Variants in LINGO2 observed in about 807,000 individuals in gnomAD.
LINGO2 encodes the protein leucine-rich repeat and immunoglobulin-like domain-containing nogo receptor-interacting protein 2.
Under a neutral mutation model 30.6 loss-of-function variants are expected in LINGO2, and 14 were observed. That is an observed-to-expected ratio of 0.46 (90% CI 0.30 to 0.72). LINGO2 has a LOEUF of 0.72. Ranked by LOEUF, LINGO2 falls within the 30% of genes least tolerant of loss-of-function variation. The pLI is 0.07. For synonymous variants in LINGO2, 317 were observed against 288.5 expected (o/e 1.10, Z -1.00); for missense variants, 729 against 751.7 (o/e 0.97, Z 0.35).
At chr9:29,092,854 T>C in the LINGO2 span, among the ~76,000 whole-genome samples, 8 of 136,786 alleles carry the variant, frequency 5.8e-5, 2 homozygotes, top group African/African-American at 2.2e-4. Flanking sequence ...ATGAACATAA[T>C]TCAGTCTTTA....
the LINGO2 span, among the ~76,000 whole-genome samples, chr9:28,872,330 A>C: frequency 6.6e-6 from 1 of 151,992 alleles, no homozygotes; most frequent in African/African-American, 2.4e-5. Context: ...TTTTGACATC[A>C]AACTATTGTA....
At chr9:28,070,058 T>C (rs1048129809) in intron 4 of LINGO2, among the ~76,000 whole-genome samples, 11 of 152,162 alleles carry the variant, frequency 7.2e-5, no homozygotes, top group East Asian at 1.9e-4. Context: ...CTCTCTTTAA[T>C]GTCACACAGC....
chr9:29,175,519 G>A, the LINGO2 span, among the ~76,000 whole-genome samples: 2 of 135,316 alleles, frequency 1.5e-5, no homozygotes, highest in South Asian at 2.4e-4. Context: ...TCGTATCTCC[G>A]AGATTTTTTT....
chr9:29,044,711 T>A, the LINGO2 span, among the ~76,000 whole-genome samples: 2 of 151,974 alleles, frequency 1.3e-5, no homozygotes, highest in Non-Finnish European at 1.5e-5. Context: ...GTAGAGTGAT[T>A]AAATAAAATA....
chr9:28,338,121 C>A (rs961371176), intron 3 of LINGO2, among the ~76,000 whole-genome samples: 4 of 152,188 alleles, frequency 2.6e-5, no homozygotes, highest in Non-Finnish European at 5.9e-5. Flanking sequence ...AGGAACAGAG[C>A]TGCCCAAGGC....
chr9:28,905,550 T>C, the LINGO2 span, among the ~76,000 whole-genome samples: 1 of 152,082 alleles, frequency 6.6e-6, no homozygotes, highest in African/African-American at 2.4e-5. Flanking sequence ...AGCTCAATAT[T>C]ACTAATCATC....
At chr9:28,621,594 AG>A in intron 1 of LINGO2, among the ~76,000 whole-genome samples, 1 of 152,038 alleles carries the variant, frequency 6.6e-6, no homozygotes, top group South Asian at 2.1e-4. Flanking sequence ...AATGTTCCTG[AG>A]ATATATAAAT....
the LINGO2 span, among the ~76,000 whole-genome samples, chr9:29,160,219 A>G: frequency 6.6e-6 from 1 of 152,088 alleles, no homozygotes; most frequent in Non-Finnish European, 1.5e-5. Flanking sequence ...TGATCCAGAA[A>G]CCATGCTTTG....
chr9:29,061,777 C>A, the LINGO2 span, among the ~76,000 whole-genome samples: 1 of 151,938 alleles, frequency 6.6e-6, no homozygotes, highest in African/African-American at 2.4e-5. Context: ...AATAGGATTT[C>A]TTGGATATGA....
intron 4 of LINGO2, among the ~76,000 whole-genome samples, chr9:28,189,658 AGGAAGGAAGGG>A (rs1259085569): frequency 3.9e-5 from 4 of 103,802 alleles, no homozygotes; most frequent in Non-Finnish European, 8.2e-5. Flanking sequence ...GGAGGAAGGA[AGGAAGGAAGGG>A]AGGAAGGAAG....
At chr9:29,058,137 A>G in the LINGO2 span, among the ~76,000 whole-genome samples, 1 of 152,140 alleles carries the variant, frequency 6.6e-6, no homozygotes, top group Non-Finnish European at 1.5e-5. Flanking sequence ...GATTAAGAAA[A>G]GAGAGAAAAT....
chr9:28,669,368 G>C (rs1292809459), intron 1 of LINGO2, among the ~76,000 whole-genome samples: 1 of 152,062 alleles, frequency 6.6e-6, no homozygotes, highest in Non-Finnish European at 1.5e-5. Context: ...GAGGACACAA[G>C]TGATGCAGTT....
chr9:28,830,550 A>C, the LINGO2 span, among the ~76,000 whole-genome samples: 1 of 152,242 alleles, frequency 6.6e-6, no homozygotes, highest in East Asian at 1.9e-4. Flanking sequence ...GATTAAAAGC[A>C]GGAAGATCTA....
the LINGO2 span, among the ~76,000 whole-genome samples, chr9:28,992,538 C>T: frequency 2.4e-3 from 371 of 152,178 alleles, 2 homozygotes; most frequent in African/African-American, 8.4e-3. Flanking sequence ...CAGAACTCTC[C>T]ACCCCAAATC....
intron 2 of LINGO2, among the ~76,000 whole-genome samples, chr9:28,466,657 C>T (rs1825315231): frequency 6.6e-6 from 1 of 152,076 alleles, no homozygotes; most frequent in Admixed American, 6.6e-5. Context: ...CCCATTTACT[C>T]TGATGTGACT....
At chr9:28,253,223 G>C (rs1229290794) in intron 4 of LINGO2, among the ~76,000 whole-genome samples, 3 of 152,086 alleles carry the variant, frequency 2.0e-5, no homozygotes, top group Admixed American at 6.6e-5. Flanking sequence ...TTAGAGTACA[G>C]TTTCATTAAA....
intron 4 of LINGO2, chr9:28,149,241 G>C (rs553415575): frequency 1.4e-5 from 12 of 840,134 alleles, no homozygotes; most frequent in Non-Finnish European, 1.8e-5. Context: ...CTGTAATCAA[G>C]CACTTTGGGA....
At chr9:29,064,258 G>T in the LINGO2 span, among the ~76,000 whole-genome samples, 2 of 151,956 alleles carry the variant, frequency 1.3e-5, no homozygotes, top group African/African-American at 4.8e-5. Flanking sequence ...GATGAGTATA[G>T]GAATCTAGTT....
the LINGO2 span, among the ~76,000 whole-genome samples, chr9:29,071,482 C>CATATATAT: frequency 2.8e-3 from 334 of 120,686 alleles, 2 homozygotes; most frequent in Middle Eastern, 4.4e-3. Context: ...ATTAACTGGT[C>CATATATAT]ATATATATAT....
Sources: allele counts gnomAD v4.1 joint callset (sites outside exome capture counted in the v4.1 genomes callset), GRCh38; gene constraint gnomAD v4.1.1; transcripts MANE v1.5; gene names NCBI Gene and HGNC (gene_info 2026-07-23, HGNC 2026-07-21).